TMPRSS2: variants seen among roughly 807,000 people sequenced by gnomAD.
The protein encoded by TMPRSS2 is transmembrane protease serine 2.
TMPRSS2 carries 59 observed loss-of-function variants against 67.4 expected under a neutral mutation model. The observed-to-expected ratio is 0.88, with a 90% CI of 0.71 to 1.09. The LOEUF is 1.09. Among genes scored for constraint, TMPRSS2 ranks in the 50% least tolerant of loss-of-function variants. The pLI, the probability that TMPRSS2 is intolerant of heterozygous loss-of-function variation, is 0.00. For missense variants in TMPRSS2, 668 were observed against 642.7 expected, an observed-to-expected ratio of 1.04 and a Z score of -0.43; for synonymous variants, 257 against 257.0, an observed-to-expected ratio of 1.00 and a Z score of 0.00.
intron 3 of TMPRSS2, among the ~76,000 whole-genome samples, chr21:41,489,924 G>T (rs2091323467): frequency 6.6e-6 from 1 of 152,094 alleles, no homozygotes; most frequent in Admixed American, 6.5e-5. Flanking sequence ...GAGGTGGGTG[G>T]ATCACTTGAG....
intron 1 of TMPRSS2, among the ~76,000 whole-genome samples, chr21:41,504,130 A>G (rs541977145): frequency 3.2e-4 from 49 of 152,184 alleles, no homozygotes; most frequent in African/African-American, 1.1e-3. Flanking sequence ...AATTGTCACA[A>G]CCTCTCATTC....
At chr21:41,507,844 G>A in intron 1 of TMPRSS2, 2 of 1,268,078 alleles carry the variant, frequency 1.6e-6, no homozygotes, top group Non-Finnish European at 2.1e-6. Flanking sequence ...GGGCGGCGAG[G>A]GCTCTCGGCC....
chr21:41,499,067 C>T (rs1011719623), intron 1 of TMPRSS2, among the ~76,000 whole-genome samples: 1 of 151,506 alleles, frequency 6.6e-6, no homozygotes, highest in Non-Finnish European at 1.5e-5. Context: ...TTAAAGCAGG[C>T]CATGTGGGCC....
At chr21:41,472,127 C>A in intron 9 of TMPRSS2, 146 bp from the exon 10 acceptor site, 1 of 636,238 alleles carries the variant, frequency 1.6e-6, no homozygotes, top group Non-Finnish European at 2.5e-6. Context: ...GGAAGAGGTG[C>A]TCGGTCTCCC....
chr21:41,494,597 G>T lies in TMPRSS2; in HGVS notation c.16-19C>A, dbSNP rs138056981. Reference sequence around the variant, plus strand: ...GTGACCCCTAAACAGTTGAAAAGAAGATGAATAATATAAAACTCTTATTTG... The same window carrying T: ...GTGACCCCTAAACAGTTGAAAAGAATATGAATAATATAAAACTCTTATTTG... On this transcript the variant is annotated intron_variant, in intron 2 of 13. Coordinates refer to ENST00000332149, the MANE Select transcript of TMPRSS2 (RefSeq NM_005656.4). The T allele has an allele frequency of 1.3e-4, 217 of 1,608,516 alleles. 1 individual carries two copies. In the Middle Eastern group the frequency reaches 1.5e-3, roughly 11 times the overall value.
chr21:41,494,815 A>G (rs2091368523), intron 2 of TMPRSS2: 1 of 538,218 alleles, frequency 1.9e-6, no homozygotes, highest in Admixed American at 3.0e-5. Flanking sequence ...TCATGCCTGT[A>G]ATCCCAGCAC....
At chr21:41,502,593 T>C (rs2091431561) in intron 1 of TMPRSS2, 1 of 985,234 alleles carries the variant, frequency 1.0e-6, no homozygotes, top group Non-Finnish European at 1.2e-6. Flanking sequence ...ACCGCACTAA[T>C]ATCACATTAT....
intron 5 of TMPRSS2, among the ~76,000 whole-genome samples, chr21:41,483,542 C>G (rs933863766): frequency 1.3e-5 from 2 of 151,950 alleles, no homozygotes; most frequent in African/African-American, 2.4e-5. Context: ...CTCCGCCCCC[C>G]ACCTCGGCCT....
Position 41,497,900 on chromosome 21 carries a change from C to CA in TMPRSS2, c.15+218dup, listed in dbSNP as rs575335056. 1.6e-4 allele frequency among the ~76,000 whole-genome samples: 24 copies of CA among 152,336 alleles called. No individual in the cohort carries two copies. The South Asian group carries it at 4.6e-3, about 29-fold the overall frequency. ...GGTCAAGGTGAGAATGCATATCACC[C>CA]ACGTGTACCCAACAGCCATGGCTCT... On this transcript the variant is annotated intron_variant, in intron 2 of 13. Transcript: ENST00000332149.
intron 8 of TMPRSS2, among the ~76,000 whole-genome samples, chr21:41,475,193 A>T (rs2091192111): frequency 2.0e-4 from 1 of 5,016 alleles, no homozygotes; most frequent in Non-Finnish European, 3.5e-4. Context: ...CTGAGGGGTG[A>T]AGGTGTGAGT....
chr21:41,484,764 G>A (rs1209236403), intron 5 of TMPRSS2, among the ~76,000 whole-genome samples: 2 of 152,144 alleles, frequency 1.3e-5, no homozygotes, highest in African/African-American at 4.8e-5. Context: ...AGCAGTGTGT[G>A]TTACAGCAAA....
At chr21:41,469,308 C>A (rs1416361496) in intron 11 of TMPRSS2, among the ~76,000 whole-genome samples, 2 of 137,768 alleles carry the variant, frequency 1.5e-5, no homozygotes, top group African/African-American at 5.2e-5. Flanking sequence ...CACATCCACG[C>A]CCGCACTCTG....
chr21:41,507,221 G>C (rs775919403), intron 1 of TMPRSS2, among the ~76,000 whole-genome samples: 2 of 152,212 alleles, frequency 1.3e-5, no homozygotes, highest in Non-Finnish European at 2.9e-5. Context: ...TGCCAGACTG[G>C]AGCACTTGAC....
chr21:41,471,655 T>C, intron 10 of TMPRSS2, 151 bp downstream of exon 10: 1 of 800,280 alleles, frequency 1.2e-6, no homozygotes, highest in Non-Finnish European at 1.9e-6. Context: ...GCTCTTAGCC[T>C]CTGTGAGCCT....
intron 1 of TMPRSS2, among the ~76,000 whole-genome samples, chr21:41,503,128 T>C (rs957657416): frequency 6.6e-6 from 1 of 152,144 alleles, no homozygotes; most frequent in African/African-American, 2.4e-5. Flanking sequence ...AAAAAATATA[T>C]ATTTTTTGAG....
intron 13 of TMPRSS2, among the ~76,000 whole-genome samples, chr21:41,467,204 C>A (rs2091092638): frequency 6.6e-6 from 1 of 152,160 alleles, no homozygotes; most frequent in Non-Finnish European, 1.5e-5. Context: ...GCCTGGCCAA[C>A]ATGGAGAAAC....
intron 13 of TMPRSS2, 41 bp downstream of exon 13, chr21:41,467,692 AG>A: frequency 1.2e-6 from 2 of 1,605,850 alleles, no homozygotes; most frequent in Non-Finnish European, 1.7e-6. Flanking sequence ...CTTTGGCTCG[AG>A]GAATCGGAGA....
intron 9 of TMPRSS2, 60 bp downstream of exon 9, chr21:41,473,265 C>T: frequency 6.6e-7 from 1 of 1,505,588 alleles, no homozygotes. Flanking sequence ...TGCTCAAGGT[C>T]ACAGGGTGGC....
intron 2 of TMPRSS2, among the ~76,000 whole-genome samples, chr21:41,497,421 C>T (rs753462291): frequency 5.3e-5 from 8 of 152,222 alleles, no homozygotes; most frequent in Non-Finnish European, 1.0e-4. Flanking sequence ...TCAGAGGCTG[C>T]AATCTCAGCC....
Sources: gnomAD v4.1 joint callset for allele counts (sites outside exome capture counted in the v4.1 genomes callset) on GRCh38, gnomAD v4.1.1 for gene constraint, MANE v1.5 for transcripts, NCBI Gene and HGNC (gene_info 2026-07-23, HGNC 2026-07-21) for gene names.